The following CTNND2 variants were observed in gnomAD, a reference collection of about 807,000 sequenced individuals.
CTNND2 encodes the protein catenin delta 2.
CTNND2 carries 22 observed loss-of-function variants against 144.4 expected under a neutral mutation model. That is an observed-to-expected ratio of 0.15 (90% CI 0.11 to 0.22). The LOEUF is 0.22. Ranked by LOEUF, CTNND2 falls within the 10% of genes least tolerant of loss-of-function variation. The pLI, the probability that CTNND2 is intolerant of heterozygous loss-of-function variation, is 1.00. For missense variants in CTNND2, 1,353 were observed against 1,618.8 expected, an observed-to-expected ratio of 0.84 and a Z score of 2.82; for synonymous variants, 751 against 695.6, an observed-to-expected ratio of 1.08 and a Z score of -1.25.
At chr5:11,805,820 T>A (rs1791962200) in intron 1 of CTNND2, among the ~76,000 whole-genome samples, 1 of 152,124 alleles carries the variant, frequency 6.6e-6, no homozygotes, top group African/African-American at 2.4e-5. Context: ...AAGTGGATAC[T>A]GTACATTGTG....
chr5:11,205,049 C>G (rs954906480), intron 10 of CTNND2, among the ~76,000 whole-genome samples: 7 of 152,154 alleles, frequency 4.6e-5, no homozygotes, highest in African/African-American at 1.7e-4. Context: ...GCTGCTATTC[C>G]TCTCAGGAAT....
At chr5:11,263,606 G>C (rs1282598284) in intron 9 of CTNND2, among the ~76,000 whole-genome samples, 1 of 152,044 alleles carries the variant, frequency 6.6e-6, no homozygotes, top group African/African-American at 2.4e-5. Flanking sequence ...GCCTGGGAGA[G>C]AATAAACGTG....
intron 2 of CTNND2, among the ~76,000 whole-genome samples, chr5:11,691,317 A>G (rs1230578081): frequency 6.6e-6 from 1 of 151,982 alleles, no homozygotes; most frequent in Non-Finnish European, 1.5e-5. Flanking sequence ...GCTTGCAGTG[A>G]GCCGAGATTG....
intron 1 of CTNND2, among the ~76,000 whole-genome samples, chr5:11,834,295 A>G (rs144069764): frequency 4.9e-4 from 75 of 152,336 alleles, no homozygotes; most frequent in African/African-American, 1.7e-3. Flanking sequence ...TCCTCTACCC[A>G]TTTATCCAAG....
intron 2 of CTNND2, among the ~76,000 whole-genome samples, chr5:11,654,794 G>C (rs564609130): frequency 2.6e-5 from 4 of 151,984 alleles, no homozygotes; most frequent in Non-Finnish European, 5.9e-5. Flanking sequence ...AATAGAAGTG[G>C]TAAGAATGGG....
At chr5:11,888,081 C>T (rs1671340477) in intron 1 of CTNND2, among the ~76,000 whole-genome samples, 1 of 152,172 alleles carries the variant, frequency 6.6e-6, no homozygotes, top group African/African-American at 2.4e-5. Context: ...TTGGACAAGA[C>T]TTGAGGGCTT....
At chr5:11,156,463 C>A (rs925635584) in intron 12 of CTNND2, among the ~76,000 whole-genome samples, 1 of 152,112 alleles carries the variant, frequency 6.6e-6, no homozygotes, top group Non-Finnish European at 1.5e-5. Context: ...GATTTCCAAG[C>A]TATACTAGTT....
At chr5:11,538,868 T>G (rs1774464564) in intron 3 of CTNND2, among the ~76,000 whole-genome samples, 1 of 152,186 alleles carries the variant, frequency 6.6e-6, no homozygotes, top group African/African-American at 2.4e-5. Context: ...TCAATAGTTT[T>G]CCAGAACACT....
chr5:11,427,713 A>G (rs1762906400), intron 3 of CTNND2, among the ~76,000 whole-genome samples: 1 of 152,260 alleles, frequency 6.6e-6, no homozygotes, highest in South Asian at 2.1e-4. Context: ...CCAGGCACAC[A>G]TAGGATATCA....
chr5:11,818,371 G>GT (rs1420921993), intron 1 of CTNND2, among the ~76,000 whole-genome samples: 2 of 151,488 alleles, frequency 1.3e-5, no homozygotes, highest in East Asian at 1.9e-4. Flanking sequence ...CTGTATATGC[G>GT]TTTTTTCTTC....
intron 9 of CTNND2, among the ~76,000 whole-genome samples, chr5:11,341,204 A>T (rs1162299446): frequency 6.6e-6 from 1 of 152,168 alleles, no homozygotes; most frequent in Non-Finnish European, 1.5e-5. Flanking sequence ...CCACTCTTTG[A>T]AAAAGGGATA....
At chr5:11,615,752 G>GCT (rs1780549177) in intron 2 of CTNND2, among the ~76,000 whole-genome samples, 1 of 152,204 alleles carries the variant, frequency 6.6e-6, no homozygotes, top group Non-Finnish European at 1.5e-5. Context: ...TGACACAAGA[G>GCT]CTATGCATGT....
In CTNND2 at chr5:11,044,645, G is replaced by C. The variant is rs554901037; in HGVS notation, c.2789-21666C>G. On this transcript the variant is annotated intron_variant, in intron 16 of 21. Coordinates refer to ENST00000304623, the MANE Select transcript of CTNND2 (RefSeq NM_001332.4). ...TACAAAATTCCATTAGTTAAACAGA[G>C]CTTATGCAGCATCTGTTTTCCTTCC... 1.3e-4 allele frequency among the ~76,000 whole-genome samples: 20 copies of C among 152,218 alleles called. No homozygotes were observed. The South Asian group carries it at 4.1e-3, about 32-fold the overall frequency.
intron 2 of CTNND2, among the ~76,000 whole-genome samples, chr5:11,623,440 C>T (rs529013152): frequency 1.3e-3 from 190 of 151,930 alleles, no homozygotes; most frequent in Middle Eastern, 3.4e-3. Context: ...TGTTTGCCGC[C>T]GTGTAAGATG....
At chr5:10,983,093 CA>C (rs569614446) in intron 20 of CTNND2, among the ~76,000 whole-genome samples, 2,106 of 152,112 alleles carry the variant, frequency 0.014, 19 homozygotes, top group Non-Finnish European at 0.022. Flanking sequence ...TTCATAGCAC[CA>C]TAGGGCAACC....
intron 3 of CTNND2, among the ~76,000 whole-genome samples, chr5:11,446,108 A>T (rs1764777321): frequency 6.6e-6 from 1 of 152,128 alleles, no homozygotes; most frequent in Non-Finnish European, 1.5e-5. Context: ...AATAGTTGGG[A>T]CCACAGGTGT....
At chr5:11,576,435 G>A (rs920262325) in intron 2 of CTNND2, among the ~76,000 whole-genome samples, 51 of 149,108 alleles carry the variant, frequency 3.4e-4, no homozygotes, top group African/African-American at 1.2e-3. Context: ...AATTTTAAAA[G>A]GTTACTTATT....
intron 2 of CTNND2, among the ~76,000 whole-genome samples, chr5:11,682,720 C>G (rs1434253394): frequency 6.6e-6 from 1 of 151,998 alleles, no homozygotes; most frequent in African/African-American, 2.4e-5. Flanking sequence ...AAAAATGTAC[C>G]CAGAACTGTG....
At chr5:11,571,922 T>C (rs371614472) in intron 2 of CTNND2, among the ~76,000 whole-genome samples, 6 of 152,188 alleles carry the variant, frequency 3.9e-5, no homozygotes, top group African/African-American at 1.4e-4. Context: ...TTCACAGTGC[T>C]TTAAGTAACC....
Sources: allele counts gnomAD v4.1 joint callset (sites outside exome capture counted in the v4.1 genomes callset), GRCh38; gene constraint gnomAD v4.1.1; transcripts MANE v1.5; gene names NCBI Gene and HGNC (gene_info 2026-07-23, HGNC 2026-07-21).